The following COL18A1 variants were observed in gnomAD, a reference collection of about 807,000 sequenced individuals.
The protein encoded by COL18A1 is collagen alpha-1(XVIII) chain.
In COL18A1, 133 loss-of-function variants were observed where a neutral mutation model predicts 168.0. That is an observed-to-expected ratio of 0.79 (90% CI 0.69 to 0.91). The LOEUF (loss-of-function observed/expected upper bound fraction) is 0.91, where lower values mean the gene tolerates loss of function less well. COL18A1 is among the 40% of genes least tolerant of loss of function. The pLI, the probability that COL18A1 is intolerant of heterozygous loss-of-function variation, is 0.00. For synonymous variants in COL18A1, 949 were observed against 809.0 expected, an observed-to-expected ratio of 1.17 and a Z score of -2.94; for missense variants, 2,126 against 1,925.4, an observed-to-expected ratio of 1.10 and a Z score of -1.95.
intron 2 of COL18A1, chr21:45,456,995 A>C: frequency 1.1e-6 from 1 of 890,608 alleles, no homozygotes; most frequent in Non-Finnish European, 1.6e-6. Flanking sequence ...CTCTACGTTC[A>C]GGGGCCCGTG....
At position 45,494,548 on chromosome 21, in the gene COL18A1, G is replaced by A; in HGVS notation, c.2356G>A (p.Glu786Lys). The A allele has an allele frequency of 6.2e-7, 1 of 1,613,376 alleles. No homozygotes were observed. Among genetic ancestry groups the A allele is most frequent in the South Asian group, 1.1e-5 (1 of 91,084 alleles). ...LGPAQKGAKG[E>K]PGFRGPPGPY... ...GTCTTCTTGTTTTTTTGCTCAGGGA[G>A]AGCCGGGCTTCCGAGGACCCCCGGT... The change falls in exon 27 of 42, where the codon GAG becomes AAG. Residue 786 changes from glutamate (E) to lysine (K), a missense_variant. Physicochemically the swap from Glu to Lys is moderately conservative, Grantham distance 56. Coordinates refer to ENST00000651438, the MANE Select transcript of COL18A1 (RefSeq NM_001379500.1).
intron 2 of COL18A1, among the ~76,000 whole-genome samples, chr21:45,454,253 C>T (rs931265729): frequency 6.6e-6 from 1 of 152,162 alleles, no homozygotes; most frequent in Non-Finnish European, 1.5e-5. Flanking sequence ...CAGCCCTGCC[C>T]TGTGGACAGC....
In COL18A1 at chr21:45,493,624, T is replaced by C. The variant is rs191297837; in HGVS notation, c.2352+49T>C. On this transcript the variant is annotated intron_variant, in intron 26 of 41. Transcript: ENST00000651438. ...CGGCAGGCGTGGGGGCTCCTGGGGCTGTGGAGACAGCCTGGGGAGGGTCTT... is the reference window on the plus strand; with the variant it reads ...CGGCAGGCGTGGGGGCTCCTGGGGCCGTGGAGACAGCCTGGGGAGGGTCTT... The C allele has an allele frequency of 4.7e-4, 648 of 1,384,704 alleles. 3 individuals carry two copies. The African/African-American group carries it at 8.1e-3, about 17-fold the overall frequency. The allele number at this position is 1,384,704 out of a possible 1,614,324, so 85.8% of individuals were successfully genotyped here. A position where few individuals can be genotyped will look rare whatever the true frequency, so the allele number is the denominator to read the frequency against.
At position 45,454,965 on chromosome 21, in the gene COL18A1, G is replaced by T. The variant is rs2034745318; in HGVS notation, c.107-13277G>T. 2.0e-5 allele frequency among the ~76,000 whole-genome samples: 3 copies of T among 152,208 alleles called. No homozygotes were observed. The South Asian group carries it at 6.2e-4, about 31-fold the overall frequency. On this transcript the variant is annotated intron_variant, in intron 2 of 41. Coordinates refer to ENST00000651438, the MANE Select transcript of COL18A1 (RefSeq NM_001379500.1). Reference sequence around the variant, plus strand: ...AGGGGAGGCACAGCAGCTCTGAGAGGGTCTGAGCCCCTCGAGACCCTCCCC... The same window carrying T: ...AGGGGAGGCACAGCAGCTCTGAGAGTGTCTGAGCCCCTCGAGACCCTCCCC...
chr21:45,477,930 G>GGGAGGGACGGCACC lies in COL18A1; in HGVS notation c.1187_1200dup (p.Pro401GlyfsTer36), dbSNP rs768663340. ...ACCACAAGGACCCCCAGGGCCTCCG[G>GGGAGGGACGGCACC]GGAGGGACGGCACCCCTGGAAGGGA... On this transcript the variant is annotated frameshift_variant, in exon 8 of 42. Coordinates refer to ENST00000651438, the MANE Select transcript of COL18A1 (RefSeq NM_001379500.1). LOFTEE classifies it high-confidence loss of function. 8 of 1,562,814 alleles carry GGGAGGGACGGCACC rather than the reference G, an allele frequency of 5.1e-6. No homozygotes were observed. Among genetic ancestry groups the GGGAGGGACGGCACC allele is most frequent in the Admixed American group, 1.9e-5 (1 of 53,832 alleles).
chr21:45,489,468 GC>G lies in COL18A1; in HGVS notation c.1924-14del. ...GCTGGCCCCAGCAGGTGCTCACGGA[GC>G]CCCTTTTTTCACTTAGGGGGATCCT... On this transcript the variant is annotated splice_polypyrimidine_tract_variant and intron_variant, in intron 18 of 41. Transcript: ENST00000651438. 2 of 1,588,678 alleles carry G rather than the reference GC, an allele frequency of 1.3e-6. No homozygotes were observed. Among genetic ancestry groups the G allele is most frequent in the Non-Finnish European group, 1.7e-6 (2 of 1,165,708 alleles).
chr21:45,468,339 C>T lies in COL18A1; in HGVS notation c.204C>T (p.Tyr68=), dbSNP rs1288124391. The T allele has an allele frequency of 3.1e-6, 5 of 1,613,528 alleles. No individual in the cohort carries two copies. Among genetic ancestry groups the T allele is most frequent in the African/African-American group, 2.7e-5 (2 of 74,962 alleles). The change falls in exon 3 of 42, where the codon TAC becomes TAT. Residue 68 remains tyrosine, a synonymous_variant. Transcript: ENST00000651438. The stretch of plus-strand genomic sequence containing the variant: ...ATGACCCCGACGTCGGGCTGGCCTA[C>T]GTCTTTGGGCCAGATGCCAACAGTG... The part of the protein sequence containing the change: ...QTDDPDVGLA[Y]VFGPDANSGQ...
intron 2 of COL18A1, among the ~76,000 whole-genome samples, chr21:45,440,438 C>T (rs1027790208): frequency 1.3e-5 from 2 of 152,188 alleles, no homozygotes; most frequent in Non-Finnish European, 2.9e-5. Context: ...CCCCTGGCTC[C>T]AGGTCCTGGG....
intron 15 of COL18A1, among the ~76,000 whole-genome samples, chr21:45,483,150 C>T (rs1004659510): frequency 1.3e-5 from 2 of 152,260 alleles, no homozygotes; most frequent in African/African-American, 2.4e-5. Context: ...AAAGCAGCTC[C>T]AGGAGCTTTG....
At chr21:45,464,769 C>T (rs2035146421) in intron 2 of COL18A1, among the ~76,000 whole-genome samples, 1 of 152,138 alleles carries the variant, frequency 6.6e-6, no homozygotes, top group African/African-American at 2.4e-5. Context: ...CTCATGGTGC[C>T]ATCTTTTGTC....
At chr21:45,509,149 T>G (rs2037421876) in intron 38 of COL18A1, among the ~76,000 whole-genome samples, 1 of 151,718 alleles carries the variant, frequency 6.6e-6, no homozygotes, top group Non-Finnish European at 1.5e-5. Context: ...TGAGCAGAGG[T>G]GACCCGCGAT....
intron 20 of COL18A1, 119 bp downstream of exon 20, chr21:45,490,465 C>CCCGG (rs2036279471): frequency 1.1e-6 from 1 of 871,698 alleles, no homozygotes; most frequent in Non-Finnish European, 1.8e-6. Context: ...CATGTGCCCT[C>CCCGG]GTGGGTCCCT....
chr21:45,505,291 G>C lies in COL18A1; in HGVS notation c.3013+13G>C, dbSNP rs759813048. 23 of 1,607,264 alleles carry C rather than the reference G, an allele frequency of 1.4e-5. No individual in the cohort carries two copies. The Admixed American group carries it at 2.5e-4, about 17-fold the overall frequency. On this transcript the variant is annotated intron_variant, in intron 35 of 41. Coordinates refer to ENST00000651438, the MANE Select transcript of COL18A1 (RefSeq NM_001379500.1). ...CCTCACAGGCAGAGTAAGTCAGTGG[G>C]GAGTGGGCCCCGGGCAGAGGCCGCC...
At chr21:45,447,300 A>G (rs1362581267) in intron 2 of COL18A1, among the ~76,000 whole-genome samples, 1 of 151,964 alleles carries the variant, frequency 6.6e-6, no homozygotes, top group Non-Finnish European at 1.5e-5. Flanking sequence ...CTAAAATTAC[A>G]GTTTTTTCTA....
At chr21:45,456,336 T>A (rs2034812566) in intron 2 of COL18A1, 1 of 1,550,418 alleles carries the variant, frequency 6.4e-7, no homozygotes, top group East Asian at 2.4e-5. Context: ...CCCCTGGTGA[T>A]GGGCTCCCTG....
At chr21:45,487,684 A>G in intron 17 of COL18A1, 175 bp downstream of exon 17, 1 of 785,828 alleles carries the variant, frequency 1.3e-6, no homozygotes, top group Non-Finnish European at 2.2e-6. Flanking sequence ...TTCTTCGGAG[A>G]TGCCCCTTCA....
chr21:45,502,358 G>A (rs1300410079), intron 32 of COL18A1, among the ~76,000 whole-genome samples: 1 of 152,260 alleles, frequency 6.6e-6, no homozygotes, highest in African/African-American at 2.4e-5. Context: ...CCTGGAAGGA[G>A]AAGGGGTTTT....
In COL18A1 at chr21:45,491,256, C is replaced by G. The variant is rs370141116; in HGVS notation, c.2099C>G (p.Pro700Arg). 6.2e-7 allele frequency: 1 copy of G among 1,612,438 alleles called. No individual in the cohort carries two copies. The highest frequency in any genetic ancestry group is 8.5e-7 in the Non-Finnish European group (1 of 1,179,718). Residue 700 changes from proline to arginine, a missense_variant, in exon 22 of 42, where the codon CCG becomes CGG. Pro to Arg is a moderately radical substitution (Grantham distance 103). Coordinates refer to ENST00000651438, the MANE Select transcript of COL18A1 (RefSeq NM_001379500.1). The part of the protein sequence containing the change: ...GDPGKDGVGQ[P>R]GLPGPPGPPG... ...CCAGGGAAGGACGGAGTCGGGCAGC[C>G]GGGCCTCCCTGGCCCCCCCGGACCC...
chr21:45,456,404 G>A, intron 2 of COL18A1: 1 of 1,546,274 alleles, frequency 6.5e-7, no homozygotes, highest in Non-Finnish European at 8.7e-7. Context: ...ACTGTCTCAG[G>A]TCGCAGTCAC....
Sources: allele counts gnomAD v4.1 joint callset (sites outside exome capture counted in the v4.1 genomes callset), GRCh38; gene constraint gnomAD v4.1.1; transcripts MANE v1.5; gene names NCBI Gene and HGNC (gene_info 2026-07-23, HGNC 2026-07-21).